SYT16: variants seen among roughly 807,000 people sequenced by gnomAD.
SYT16 encodes synaptotagmin-16.
A neutral mutation model predicts 61.4 loss-of-function variants in SYT16; 42 were observed. The ratio of observed to expected loss-of-function variants is 0.68; its 90% CI spans 0.53 to 0.89. The LOEUF is 0.89. Among genes scored for constraint, SYT16 ranks in the 40% least tolerant of loss-of-function variants. SYT16 has a pLI of 0.00. For missense variants in SYT16, 804 were observed against 807.3 expected, an observed-to-expected ratio of 1.00 and a Z score of 0.05; for synonymous variants, 314 against 302.3, an observed-to-expected ratio of 1.04 and a Z score of -0.40.
chr14:61,980,619 A>G (rs528221061), intron 2 of SYT16, among the ~76,000 whole-genome samples: 159 of 152,324 alleles, frequency 1.0e-3, no homozygotes, highest in Non-Finnish European at 1.7e-3. Context: ...TTGTGAAGCT[A>G]TGTCATGCCA....
At chr14:62,009,170 CTGTT>C (rs2053344464) in intron 3 of SYT16, among the ~76,000 whole-genome samples, 2 of 152,152 alleles carry the variant, frequency 1.3e-5, no homozygotes, top group African/African-American at 4.8e-5. Flanking sequence ...TAGAAGTTGT[CTGTT>C]TGTTTAGTAG....
chr14:61,832,839 G>C (rs1233536646), intron 1 of SYT16, among the ~76,000 whole-genome samples: 1 of 151,964 alleles, frequency 6.6e-6, no homozygotes, highest in Admixed American at 6.6e-5. Context: ...AATTTTATTT[G>C]GTTATTTAAA....
At chr14:62,064,389 A>G (rs969293970) in intron 3 of SYT16, among the ~76,000 whole-genome samples, 1 of 149,610 alleles carries the variant, frequency 6.7e-6, no homozygotes, top group Non-Finnish European at 1.5e-5. Flanking sequence ...GGAAAATGCT[A>G]TGGAAAAACC....
intron 1 of SYT16, among the ~76,000 whole-genome samples, chr14:61,841,715 T>C (rs962651072): frequency 6.6e-6 from 1 of 152,216 alleles, no homozygotes; most frequent in Non-Finnish European, 1.5e-5. Flanking sequence ...TCCATCTTTA[T>C]GTTCATGTGT....
intron 5 of SYT16, chr14:62,079,225 T>C (rs1383447784): frequency 2.8e-6 from 1 of 360,772 alleles, no homozygotes; most frequent in African/African-American, 2.1e-5. Flanking sequence ...GCAACCACTT[T>C]TATCACTTGA....
intron 1 of SYT16, among the ~76,000 whole-genome samples, chr14:61,937,484 T>G (rs1434246674): frequency 1.3e-5 from 2 of 152,208 alleles, no homozygotes; most frequent in African/African-American, 4.8e-5. Flanking sequence ...CTCCGACCTG[T>G]GCTCAATCTC....
chr14:61,932,407 C>G (rs1028497125), intron 1 of SYT16, among the ~76,000 whole-genome samples: 1 of 152,192 alleles, frequency 6.6e-6, no homozygotes, highest in Non-Finnish European at 1.5e-5. Flanking sequence ...TTCCACATGG[C>G]TGGGGAGGCC....
chr14:61,891,789 T>G (rs1191055028), intron 1 of SYT16, among the ~76,000 whole-genome samples: 2 of 152,202 alleles, frequency 1.3e-5, no homozygotes, highest in Non-Finnish European at 2.9e-5. Flanking sequence ...GTAGTAGAGA[T>G]GCTCTGAAGG....
chr14:62,088,083 T>C (rs985790402), intron 7 of SYT16, among the ~76,000 whole-genome samples: 3 of 152,018 alleles, frequency 2.0e-5, no homozygotes, highest in Non-Finnish European at 4.4e-5. Flanking sequence ...AAACTAAACA[T>C]GCACTGAGAA....
chr14:62,093,777 C>T (rs1001265904), intron 7 of SYT16, among the ~76,000 whole-genome samples: 1 of 152,190 alleles, frequency 6.6e-6, no homozygotes, highest in East Asian at 1.9e-4. Context: ...GCAAAATGCA[C>T]TCTTCATTAC....
intron 1 of SYT16, among the ~76,000 whole-genome samples, chr14:61,969,168 T>C (rs2140522492): frequency 6.6e-6 from 1 of 152,358 alleles, no homozygotes; most frequent in Middle Eastern, 3.4e-3. Context: ...TGCCCACTGA[T>C]TAAAGCTGCT....
intron 3 of SYT16, among the ~76,000 whole-genome samples, chr14:62,026,390 C>G (rs2054104696): frequency 6.6e-6 from 1 of 152,168 alleles, no homozygotes; most frequent in Admixed American, 6.5e-5. Flanking sequence ...GCACTGGTAT[C>G]TGGTGTCTGG....
chr14:61,905,505 A>T (rs1293407417), intron 1 of SYT16, among the ~76,000 whole-genome samples: 1 of 152,126 alleles, frequency 6.6e-6, no homozygotes, highest in African/African-American at 2.4e-5. Flanking sequence ...GGACCATCTG[A>T]CTGAGTTCTG....
At chr14:62,099,075 T>A (rs978447437) in intron 7 of SYT16, among the ~76,000 whole-genome samples, 1 of 152,050 alleles carries the variant, frequency 6.6e-6, no homozygotes, top group Non-Finnish European at 1.5e-5. Flanking sequence ...TGGTAAGCAA[T>A]GAGACTAGAA....
At chr14:61,947,337 A>C (rs1390164243) in intron 1 of SYT16, among the ~76,000 whole-genome samples, 1 of 144,556 alleles carries the variant, frequency 6.9e-6, no homozygotes, top group African/African-American at 2.6e-5. Context: ...GGTTGAGTCA[A>C]AGTCCTCCAG....
At position 61,875,669 on chromosome 14, in the gene SYT16, T is replaced by C. The variant is rs555466065; in HGVS notation, c.-325+62859T>C. ...CAGAGTCCAAGTCAGCCTGTAGAGC[T>C]GGGTTGGTGGATACTCCTGTTACTG... On this transcript the variant is annotated intron_variant, in intron 1 of 7. Coordinates refer to ENST00000683842, the MANE Select transcript of SYT16 (RefSeq NM_001367656.1). 5.3e-5 allele frequency among the ~76,000 whole-genome samples: 8 copies of C among 152,288 alleles called. No individual in the cohort carries two copies. In the East Asian group the frequency reaches 1.5e-3, roughly 29 times the overall value.
At position 61,912,767 on chromosome 14, in the gene SYT16, C is replaced by T. The variant is rs116569150; in HGVS notation, c.-324-57365C>T. 2.1e-3 allele frequency among the ~76,000 whole-genome samples: 324 copies of T among 152,192 alleles called. 1 individual carries two copies. Among genetic ancestry groups the T allele is most frequent in the African/African-American group, 7.4e-3 (307 of 41,522 alleles). On this transcript the variant is annotated intron_variant, in intron 1 of 7. Coordinates refer to ENST00000683842, the MANE Select transcript of SYT16 (RefSeq NM_001367656.1). ...CATCTCTCCATCAAACATATCATTC[C>T]CCCACATACAAAACATTAAAGGAGC...
At chr14:61,965,453 A>G (rs184886748) in intron 1 of SYT16, among the ~76,000 whole-genome samples, 38 of 152,194 alleles carry the variant, frequency 2.5e-4, no homozygotes, top group African/African-American at 8.4e-4. Context: ...CCTTTCTCTA[A>G]CCTCTCTCTA....
At chr14:61,944,591 A>G (rs1299896652) in intron 1 of SYT16, among the ~76,000 whole-genome samples, 7 of 152,194 alleles carry the variant, frequency 4.6e-5, no homozygotes, top group East Asian at 1.9e-4. Context: ...ACATACATCT[A>G]CAACCATGTG....
Sources: allele counts gnomAD v4.1 joint callset (sites outside exome capture counted in the v4.1 genomes callset), GRCh38; gene constraint gnomAD v4.1.1; transcripts MANE v1.5; gene names NCBI Gene and HGNC (gene_info 2026-07-23, HGNC 2026-07-21).